Variants in SPG11 observed in about 807,000 individuals in gnomAD.
SPG11 encodes spatacsin.
In SPG11, 222 loss-of-function variants were observed where a neutral mutation model predicts 274.0. The observed-to-expected ratio is 0.81, with a 90% CI of 0.73 to 0.91. The LOEUF is 0.91. Among genes scored for constraint, SPG11 ranks in the 40% least tolerant of loss-of-function variants. The pLI is 0.00. For synonymous variants in SPG11, 1,144 were observed against 1,039.7 expected, an observed-to-expected ratio of 1.10 and a Z score of -1.93; for missense variants, 3,114 against 2,872.7, an observed-to-expected ratio of 1.08 and a Z score of -1.92.
At chr15:44,607,049 T>C (rs986429207) in intron 19 of SPG11, among the ~76,000 whole-genome samples, 23 of 152,198 alleles carry the variant, frequency 1.5e-4, no homozygotes, top group Non-Finnish European at 4.4e-5. Context: ...GTAAGACACT[T>C]CTGTCAGTAT....
intron 3 of SPG11, among the ~76,000 whole-genome samples, chr15:44,657,989 T>G (rs531340583): frequency 6.6e-6 from 1 of 152,186 alleles, no homozygotes. Context: ...ATCACGCCAC[T>G]GCACTCCAGC....
chr15:44,579,881 T>C lies in SPG11; in HGVS notation c.5866+3933A>G, dbSNP rs552458650. ...AAATTCCTATCACCTAGTGACATCA[T>C]AGTCATTGTGACATAGCACAATTAC... On this transcript the variant is annotated intron_variant, in intron 30 of 39. Coordinates refer to ENST00000261866, the MANE Select transcript of SPG11 (RefSeq NM_025137.4). 7.7e-4 allele frequency among the ~76,000 whole-genome samples: 117 copies of C among 152,344 alleles called. 1 individual carries two copies. The highest frequency in any genetic ancestry group is 2.7e-3 in the African/African-American group (111 of 41,590).
chr15:44,614,722 T>C (rs191815603), intron 16 of SPG11, among the ~76,000 whole-genome samples: 15 of 152,326 alleles, frequency 9.8e-5, no homozygotes, highest in East Asian at 3.9e-4. Context: ...AACTACCCCA[T>C]AGAGTTTTTG....
intron 16 of SPG11, among the ~76,000 whole-genome samples, chr15:44,614,046 T>TA (rs2083530494): frequency 6.6e-6 from 1 of 151,872 alleles, no homozygotes; most frequent in Non-Finnish European, 1.5e-5. Context: ...TGTCTCAAAG[T>TA]AAAAAAGAAA....
intron 15 of SPG11, among the ~76,000 whole-genome samples, chr15:44,617,350 T>C (rs982686629): frequency 2.0e-5 from 3 of 152,216 alleles, no homozygotes; most frequent in Non-Finnish European, 2.9e-5. Context: ...ACTTTCACAT[T>C]TGACATTTAG....
chr15:44,623,744 G>A (rs1316616139), intron 11 of SPG11, among the ~76,000 whole-genome samples: 1 of 152,028 alleles, frequency 6.6e-6, no homozygotes, highest in East Asian at 1.9e-4. Context: ...AGGTCTAACA[G>A]AGTACTTTTC....
chr15:44,573,593 C>T lies in SPG11; in HGVS notation c.6159G>A (p.Val2053=). ...GLKPDTVAEL[V]AEEVTRELLT... is the part of the protein sequence containing the mutation. ...GCAGCTCCCGTGTCACCTCTTCTGCCACGAGTTCAGCCACAGTATCTGGCT... is the reference window on the plus strand; with the variant it reads ...GCAGCTCCCGTGTCACCTCTTCTGCTACGAGTTCAGCCACAGTATCTGGCT... The change falls in exon 32 of 40, where the codon GTG becomes GTA. Residue 2053 remains valine, a synonymous_variant. Transcript: ENST00000261866. 3.1e-6 allele frequency: 5 copies of T among 1,614,172 alleles called. No homozygotes were observed. The highest frequency in any genetic ancestry group is 4.2e-6 in the Non-Finnish European group (5 of 1,180,036).
At chr15:44,610,486 G>T (rs997282910) in intron 18 of SPG11, among the ~76,000 whole-genome samples, 6 of 152,206 alleles carry the variant, frequency 3.9e-5, no homozygotes, top group African/African-American at 1.4e-4. Context: ...AGGTTCAAGT[G>T]ATTCTCATGC....
chr15:44,589,164 T>G, intron 28 of SPG11, 88 bp downstream of exon 28: 1 of 1,401,326 alleles, frequency 7.1e-7, no homozygotes, highest in Admixed American at 1.7e-5. Flanking sequence ...TTACATGCAT[T>G]TTAATTTCCT....
At chr15:44,576,142 C>CAAAAAAAAAA (rs201558800) in intron 30 of SPG11, among the ~76,000 whole-genome samples, 2 of 43,060 alleles carry the variant, frequency 4.6e-5, no homozygotes, top group Non-Finnish European at 7.8e-5. Context: ...AACTCCATCT[C>CAAAAAAAAAA]AAAAAAAAAA....
intron 35 of SPG11, 82 bp downstream of exon 35, chr15:44,569,316 C>T: frequency 9.7e-7 from 1 of 1,031,764 alleles, no homozygotes; most frequent in Non-Finnish European, 1.5e-6. Flanking sequence ...TCTACCCTGA[C>T]TGAGATTATT....
At chr15:44,587,718 A>AAAAAAAAAAAAAAAAAAAAC (rs1567141736) in intron 28 of SPG11, among the ~76,000 whole-genome samples, 7 of 148,728 alleles carry the variant, frequency 4.7e-5, no homozygotes, top group African/African-American at 1.5e-4. Context: ...AAAAAAAAAA[A>AAAAAAAAAAAAAAAAAAAAC]AACGTATTCC....
At chr15:44,597,049 G>T in intron 23 of SPG11, 106 bp from the exon 24 acceptor site, 1 of 1,010,128 alleles carries the variant, frequency 9.9e-7, no homozygotes, top group African/African-American at 1.6e-5. Flanking sequence ...ATAAATTAAA[G>T]CACAGTGTAT....
intron 7 of SPG11, among the ~76,000 whole-genome samples, chr15:44,639,658 T>G (rs954981342): frequency 6.6e-6 from 1 of 151,566 alleles, no homozygotes; most frequent in Non-Finnish European, 1.5e-5. Flanking sequence ...GCCAGGACTA[T>G]GCCACTGCAC....
At chr15:44,647,803 G>A (rs1294012483) in intron 7 of SPG11, among the ~76,000 whole-genome samples, 10 of 152,172 alleles carry the variant, frequency 6.6e-5, no homozygotes, top group Non-Finnish European at 1.5e-4. Flanking sequence ...TCTTTTTGAG[G>A]TGATGAAAAT....
At position 44,606,573 on chromosome 15, in the gene SPG11, C is replaced by T. The variant is rs60272472; in HGVS notation, c.3454-482G>A. On this transcript the variant is annotated intron_variant, in intron 19 of 39. Coordinates refer to ENST00000261866, the MANE Select transcript of SPG11 (RefSeq NM_025137.4). The stretch of plus-strand genomic sequence containing the variant: ...AACATGAACAACAAAGAAAAAATAG[C>T]GGACCAAGGTGAAGTCAATCAGAAA... 1.7e-3 allele frequency among the ~76,000 whole-genome samples: 259 copies of T among 152,184 alleles called. 2 individuals are homozygous for T. Among genetic ancestry groups the T allele is most frequent in the African/African-American group, 5.8e-3 (243 of 41,546 alleles).
At chr15:44,628,082 T>A (rs2083954557) in intron 10 of SPG11, among the ~76,000 whole-genome samples, 1 of 152,212 alleles carries the variant, frequency 6.6e-6, no homozygotes, top group African/African-American at 2.4e-5. Flanking sequence ...CCAATACCAA[T>A]ACCCTCCAGT....
At chr15:44,585,896 C>T (rs1392330978) in intron 28 of SPG11, 46 bp from the exon 29 acceptor site, 1 of 1,510,138 alleles carries the variant, frequency 6.6e-7, no homozygotes, top group East Asian at 2.3e-5. Flanking sequence ...AATAAAATGC[C>T]ACTACAGCAT....
chr15:44,594,397 G>C (rs1387934117), intron 26 of SPG11, among the ~76,000 whole-genome samples: 2 of 151,850 alleles, frequency 1.3e-5, no homozygotes, highest in African/African-American at 4.8e-5. Context: ...CTGCACTCCA[G>C]CCTGAGTGAC....
Sources: gnomAD v4.1 joint callset for allele counts (sites outside exome capture counted in the v4.1 genomes callset) on GRCh38, gnomAD v4.1.1 for gene constraint, MANE v1.5 for transcripts, NCBI Gene and HGNC (gene_info 2026-07-23, HGNC 2026-07-21) for gene names.